ME2: variants seen among roughly 807,000 people sequenced by gnomAD.
ME2 encodes the protein NAD-dependent malic enzyme, mitochondrial.
Under a neutral mutation model 73.7 loss-of-function variants are expected in ME2, and 60 were observed. The observed-to-expected ratio is 0.81, with a 90% confidence interval of 0.66 to 1.01. The LOEUF is 1.01. Ranked by LOEUF, ME2 falls within the 50% of genes least tolerant of loss-of-function variation. The probability of loss-of-function intolerance (pLI) is 0.00; values close to 1 mark genes in which losing one functional copy is unlikely to be tolerated. For synonymous variants in ME2, 199 were observed against 236.9 expected, an observed-to-expected ratio of 0.84 and a Z score of 1.47; for missense variants, 594 against 705.5, an observed-to-expected ratio of 0.84 and a Z score of 1.79.
chr18:50,885,668 G>GTATA (rs1036120151), intron 1 of ME2, among the ~76,000 whole-genome samples: 1 of 151,028 alleles, frequency 6.6e-6, no homozygotes, highest in Admixed American at 6.6e-5. Flanking sequence ...AAGCTACTTG[G>GTATA]TATATATATA....
chr18:50,894,272 A>G (rs1165326656), intron 1 of ME2, among the ~76,000 whole-genome samples: 1 of 152,234 alleles, frequency 6.6e-6, no homozygotes, highest in Non-Finnish European at 1.5e-5. Context: ...CATTTAAAAC[A>G]TCCCTTTTTG....
At chr18:50,942,741 G>T in intron 15 of ME2, 2 of 297,242 alleles carry the variant, frequency 6.7e-6, no homozygotes, top group South Asian at 2.9e-4. Context: ...GAAAAGGTAG[G>T]AATAATACTA....
rs181358392 is a variant in ME2, at chr18:50,923,714, G to A, written c.1057-384G>A. On this transcript the variant is annotated intron_variant, in intron 10 of 15. Transcript: ENST00000321341. ...GCTGCCACTGCACTCAAGTCTGGGC[G>A]ACAGAGTGATACCCCATTTCAAAAT... is the stretch of plus-strand genomic sequence containing the variant. Among the ~76,000 whole-genome samples the A allele has an allele frequency of 3.4e-3, 525 of 152,224 alleles. 1 individual carries two copies. Among genetic ancestry groups the A allele is most frequent in the Middle Eastern group, 3.4e-3 (1 of 294 alleles).
rs148114734 is a variant in ME2 at position 50,920,529 on chromosome 18, C to T, written c.808C>T (p.Arg270Ter). 4.6e-5 allele frequency: 74 copies of T among 1,595,572 alleles called. No individual in the cohort carries two copies. Among genetic ancestry groups the T allele is most frequent in the Middle Eastern group, 1.7e-4 (1 of 6,020 alleles). The change falls in exon 8 of 16, where the codon CGA (arginine) becomes TGA (stop). Residue 270 changes from arginine to a stop codon, truncating the protein, a stop_gained. Coordinates refer to ENST00000321341, the MANE Select transcript of ME2 (RefSeq NM_002396.5). LOFTEE classifies it high-confidence loss of function. ...HNAFRFLRKY[R>*]EKYCTFNDDI... ...TGCATTCAGGTTCTTGAGAAAGTAC[C>T]GAGAAAAATATTGTACTTTCAATGA...
In ME2 at chr18:50,953,331, C is replaced by T. The variant is rs1918262228; in HGVS notation, c.*6147C>T. 1 of 152,170 alleles carries T rather than the reference C, an allele frequency of 6.6e-6. No individual in the cohort carries two copies. Among genetic ancestry groups the T allele is most frequent in the Non-Finnish European group, 1.5e-5 (1 of 68,022 alleles). 9.4% of individuals were successfully genotyped at this position (152,170 alleles called of 1,614,324 possible). A position where few individuals can be genotyped will look rare whatever the true frequency, so the allele number is the denominator to read the frequency against. ...GCCAGGATGGTCTCGATCTCCTGAC[C>T]TCATGATCCACCCGCCTCGGCCTCC... On this transcript the variant is annotated 3_prime_UTR_variant, in exon 16 of 16. Coordinates refer to ENST00000321341, the MANE Select transcript of ME2 (RefSeq NM_002396.5).
intron 12 of ME2, among the ~76,000 whole-genome samples, chr18:50,928,654 C>T (rs968651426): frequency 6.6e-6 from 1 of 152,162 alleles, no homozygotes; most frequent in Non-Finnish European, 1.5e-5. Context: ...TCAAGTAGAT[C>T]GCCATAATCC....
At position 50,925,833 on chromosome 18, in the gene ME2, T is replaced by C. The variant is rs1917538792; in HGVS notation, c.1249T>C (p.Phe417Leu). ...CTCTATCAATGAAAGGCCTGTAATA[T>C]TTGCATTAAGTAATCCTACAGCACA... ...MASINERPVI[F>L]ALSNPTAQAE... The change falls in exon 12 of 16, where the codon TTT becomes CTT. Residue 417 changes from phenylalanine to leucine, a missense_variant. Phe to Leu is a conservative substitution (Grantham distance 22, BLOSUM62 0). Coordinates refer to ENST00000321341, the MANE Select transcript of ME2 (RefSeq NM_002396.5). 6.2e-7 allele frequency: 1 copy of C among 1,613,030 alleles called. No homozygotes were observed. The highest frequency in any genetic ancestry group is 8.5e-7 in the Non-Finnish European group (1 of 1,179,044).
intron 1 of ME2, among the ~76,000 whole-genome samples, chr18:50,890,978 A>ACC: frequency 6.6e-6 from 1 of 152,250 alleles, no homozygotes; most frequent in East Asian, 1.9e-4. Context: ...CTGAAGATAA[A>ACC]CGTATGTACC....
At chr18:50,930,237 G>A (rs947509174) in intron 12 of ME2, among the ~76,000 whole-genome samples, 1 of 152,068 alleles carries the variant, frequency 6.6e-6, no homozygotes, top group Non-Finnish European at 1.5e-5. Flanking sequence ...TCCAGCCTGG[G>A]CAACAGAATG....
intron 2 of ME2, among the ~76,000 whole-genome samples, chr18:50,899,354 T>C (rs184192601): frequency 2.0e-5 from 3 of 152,312 alleles, no homozygotes; most frequent in Admixed American, 1.3e-4. Context: ...GGCTCACACC[T>C]GTAGTCCCAG....
chr18:50,893,049 C>T (rs776540796), intron 1 of ME2, among the ~76,000 whole-genome samples: 18 of 143,162 alleles, frequency 1.3e-4, no homozygotes, highest in Non-Finnish European at 1.5e-5. Flanking sequence ...CACTTGAAAC[C>T]GGGAGGCAGA....
chr18:50,883,318 T>C (rs1246031454), intron 1 of ME2, among the ~76,000 whole-genome samples: 1 of 152,184 alleles, frequency 6.6e-6, no homozygotes, highest in Non-Finnish European at 1.5e-5. Context: ...TCTAGGGTTT[T>C]GGTCTCCTGT....
At chr18:50,944,754 A>G (rs1918043573) in intron 15 of ME2, among the ~76,000 whole-genome samples, 3 of 152,112 alleles carry the variant, frequency 2.0e-5, no homozygotes, top group Admixed American at 2.0e-4. Context: ...CATGGTGGCC[A>G]CTGCCTCATT....
chr18:50,894,607 A>T (rs1166891388), intron 1 of ME2, among the ~76,000 whole-genome samples: 1 of 149,538 alleles, frequency 6.7e-6, no homozygotes, highest in Non-Finnish European at 1.5e-5. Context: ...ACGGTGGCTC[A>T]CGCCTGTAAT....
chr18:50,916,362 A>G, intron 5 of ME2, 119 bp downstream of exon 5: 1 of 727,982 alleles, frequency 1.4e-6, no homozygotes, highest in Non-Finnish European at 2.3e-6. Flanking sequence ...ATATACATGC[A>G]GATTTAGTGC....
intron 7 of ME2, 116 bp from the exon 8 acceptor site, chr18:50,920,340 C>T: frequency 4.4e-6 from 3 of 681,756 alleles, no homozygotes; most frequent in East Asian, 3.2e-5. Context: ...TTCAGATGGC[C>T]TTAATTGAAC....
intron 1 of ME2, among the ~76,000 whole-genome samples, chr18:50,893,317 A>G (rs769604550): frequency 3.9e-5 from 6 of 152,122 alleles, no homozygotes; most frequent in Admixed American, 6.6e-5. Flanking sequence ...CTGAACACTT[A>G]CTTTTCATCA....
chr18:50,932,312 G>A lies in ME2; in HGVS notation c.1369G>A (p.Gly457Arg). The A allele has an allele frequency of 6.2e-6, 10 of 1,613,060 alleles. No homozygotes were observed. The highest frequency in any genetic ancestry group is 8.5e-6 in the Non-Finnish European group (10 of 1,179,372). Residue 457 changes from glycine (G) to arginine (R), a missense_variant, in exon 13 of 16, where the codon GGG becomes AGG. Physicochemically the swap from Gly to Arg is moderately radical, Grantham distance 125. Coordinates refer to ENST00000321341, the MANE Select transcript of ME2 (RefSeq NM_002396.5). The stretch of plus-strand genomic sequence containing the variant: ...ATTTGGGCCAGTGAAACTTACAGAT[G>A]GGCGAGTCTTTACACCAGGTCAAGG... ...SPFGPVKLTD[G>R]RVFTPGQGNN...
intron 11 of ME2, among the ~76,000 whole-genome samples, chr18:50,924,518 G>C (rs1053822095): frequency 6.6e-6 from 1 of 152,172 alleles, no homozygotes; most frequent in Non-Finnish European, 1.5e-5. Flanking sequence ...ATTCTATGCA[G>C]ACTCAAAGTT....
Sources: allele counts gnomAD v4.1 joint callset (sites outside exome capture counted in the v4.1 genomes callset), GRCh38; gene constraint gnomAD v4.1.1; transcripts MANE v1.5; gene names NCBI Gene and HGNC (gene_info 2026-07-23, HGNC 2026-07-21).